SND1: variants seen among roughly 807,000 people sequenced by gnomAD.
The protein encoded by SND1 is staphylococcal nuclease domain-containing protein 1.
In SND1, 38 loss-of-function variants were observed where a neutral mutation model predicts 121.7. The observed-to-expected ratio is 0.31, with a 90% CI of 0.24 to 0.41. SND1 has a LOEUF of 0.41. SND1 is among the 10% of genes least tolerant of loss of function. SND1 has a pLI of 1.00. For synonymous variants in SND1, 401 were observed against 447.4 expected (o/e 0.90, Z 1.31); for missense variants, 868 against 1,184.6 (o/e 0.73, Z 3.92).
chr7:127,670,834 T>C (rs920788040), intron 1 of SND1, among the ~76,000 whole-genome samples: 1 of 137,584 alleles, frequency 7.3e-6, no homozygotes. Context: ...TATATGCAAT[T>C]AAAAAAAAAA....
At chr7:127,774,396 A>C (rs184601063) in intron 10 of SND1, among the ~76,000 whole-genome samples, 1 of 152,188 alleles carries the variant, frequency 6.6e-6, no homozygotes, top group African/African-American at 2.4e-5. Context: ...TTAAAAACCA[A>C]TATAGTGTAG....
chr7:127,681,240 T>C (rs1019274507), intron 1 of SND1, among the ~76,000 whole-genome samples: 3 of 152,234 alleles, frequency 2.0e-5, no homozygotes, highest in African/African-American at 7.2e-5. Flanking sequence ...TGCATTTGTC[T>C]GATGACTAAT....
At chr7:127,777,440 T>C (rs1797641990) in intron 10 of SND1, among the ~76,000 whole-genome samples, 1 of 152,236 alleles carries the variant, frequency 6.6e-6, no homozygotes, top group African/African-American at 2.4e-5. Flanking sequence ...CTTTCAGCTT[T>C]GTAGCACAGA....
chr7:127,929,399 C>T lies in SND1; in HGVS notation c.1669+70C>T, dbSNP rs530684694. 53 of 1,526,072 alleles carry T rather than the reference C, an allele frequency of 3.5e-5. No homozygotes were observed. In the South Asian group the frequency reaches 5.9e-4, roughly 17 times the overall value. The allele number at this position is 1,526,072 out of a possible 1,614,324, so 94.5% of individuals were successfully genotyped here. On this transcript the variant is annotated intron_variant, in intron 15 of 23. Transcript: ENST00000354725. ...CCTGGAAACCACATACCCTCCTTTC[C>T]CCCTGTGTTCTAGATAGGCCCTAGA...
chr7:127,748,332 A>ACTGT (rs925393482), intron 10 of SND1, among the ~76,000 whole-genome samples: 4 of 152,208 alleles, frequency 2.6e-5, no homozygotes, highest in Non-Finnish European at 4.4e-5. Context: ...TGTACAAGGT[A>ACTGT]CTGTCCTTTC....
chr7:127,948,590 C>G (rs1336165436), intron 15 of SND1, among the ~76,000 whole-genome samples: 1 of 152,198 alleles, frequency 6.6e-6, no homozygotes, highest in Non-Finnish European at 1.5e-5. Context: ...GTGAGCTAGC[C>G]AAGGGCTAAT....
At chr7:127,984,782 C>T (rs935317349) in intron 15 of SND1, among the ~76,000 whole-genome samples, 15 of 152,136 alleles carry the variant, frequency 9.9e-5, no homozygotes, top group Non-Finnish European at 1.8e-4. Flanking sequence ...GAGGAATATC[C>T]ATGAAAATCT....
chr7:128,018,931 C>T (rs935270878), intron 16 of SND1, among the ~76,000 whole-genome samples: 1 of 152,222 alleles, frequency 6.6e-6, no homozygotes, highest in African/African-American at 2.4e-5. Context: ...CATACCTGTA[C>T]TTCTGTCCTG....
intron 10 of SND1, among the ~76,000 whole-genome samples, chr7:127,725,541 TGAG>T (rs1796567476): frequency 6.6e-6 from 1 of 152,076 alleles, no homozygotes; most frequent in South Asian, 2.1e-4. Context: ...TTTTGGAAAT[TGAG>T]GAGTGGTTTT....
At chr7:127,968,036 G>A (rs1047438444) in intron 15 of SND1, among the ~76,000 whole-genome samples, 1 of 152,194 alleles carries the variant, frequency 6.6e-6, no homozygotes, top group African/African-American at 2.4e-5. Context: ...AAGGCTCTGC[G>A]AGGTTATTAA....
intron 12 of SND1, among the ~76,000 whole-genome samples, chr7:127,876,209 TA>T (rs1344250479): frequency 6.6e-5 from 10 of 152,120 alleles, no homozygotes; most frequent in Non-Finnish European, 1.5e-4. Context: ...AGAAAATTTC[TA>T]AAAAAGTTTT....
chr7:127,805,916 T>A (rs1798230409), intron 10 of SND1, among the ~76,000 whole-genome samples: 1 of 152,174 alleles, frequency 6.6e-6, no homozygotes. Context: ...TTGCAAATAT[T>A]TTCCTGGAGG....
intron 14 of SND1, among the ~76,000 whole-genome samples, chr7:127,912,771 A>G (rs897686447): frequency 6.6e-6 from 1 of 152,232 alleles, no homozygotes; most frequent in Non-Finnish European, 1.5e-5. Context: ...ATACAAAACC[A>G]CATATATAGT....
chr7:127,932,258 C>T (rs1800969852), intron 15 of SND1, among the ~76,000 whole-genome samples: 1 of 152,178 alleles, frequency 6.6e-6, no homozygotes, highest in Non-Finnish European at 1.5e-5. Flanking sequence ...TGATTCCAAG[C>T]CTCCTGGTTG....
chr7:127,800,058 T>C (rs1798099732), intron 10 of SND1, among the ~76,000 whole-genome samples: 1 of 152,228 alleles, frequency 6.6e-6, no homozygotes, highest in African/African-American at 2.4e-5. Flanking sequence ...TCCCTGTGTG[T>C]TCTGTCTCCT....
chr7:127,925,752 C>T (rs1040351829), intron 14 of SND1, among the ~76,000 whole-genome samples: 1 of 151,716 alleles, frequency 6.6e-6, no homozygotes, highest in Non-Finnish European at 1.5e-5. Flanking sequence ...TACAGGCACA[C>T]CCTGCTATAC....
At chr7:128,055,730 C>A (rs1308444615) in intron 16 of SND1, among the ~76,000 whole-genome samples, 2 of 152,146 alleles carry the variant, frequency 1.3e-5, no homozygotes, top group African/African-American at 2.4e-5. Flanking sequence ...TATACTGACA[C>A]ATCACTCCTC....
At position 128,085,113 on chromosome 7, in the gene SND1, G is replaced by C. The variant is rs1793667137; in HGVS notation, c.2234+266G>C. On this transcript the variant is annotated intron_variant, in intron 19 of 23. Coordinates refer to ENST00000354725, the MANE Select transcript of SND1 (RefSeq NM_014390.4). This position sits in a 1 kb window ranked among gnomAD's most constrained non-coding sequence, Gnocchi z 4.4. ...GGGTGGGAGCCCTTGCTGGCTGGCT[G>C]GCTGGCCGGCCGGCCAGGCTGTCCA... Among the ~76,000 whole-genome samples, 1 of 152,124 alleles carries C rather than the reference G, an allele frequency of 6.6e-6. No homozygotes were observed. Among genetic ancestry groups the C allele is most frequent in the Non-Finnish European group, 1.5e-5 (1 of 67,992 alleles).
At chr7:127,670,876 A>G (rs1313627149) in intron 1 of SND1, among the ~76,000 whole-genome samples, 1 of 152,078 alleles carries the variant, frequency 6.6e-6, no homozygotes, top group Non-Finnish European at 1.5e-5. Flanking sequence ...TAGGAAGGAA[A>G]AGGGATATCT....
Sources: allele counts gnomAD v4.1 joint callset (sites outside exome capture counted in the v4.1 genomes callset), GRCh38; gene constraint gnomAD v4.1.1; non-coding constraint Gnocchi (gnomAD v3.1); transcripts MANE v1.5; gene names NCBI Gene and HGNC (gene_info 2026-07-23, HGNC 2026-07-21).